The following SLC25A33 variants were observed in gnomAD, a reference collection of about 807,000 sequenced individuals.
The protein encoded by SLC25A33 is solute carrier family 25 member 33.
In SLC25A33, 15 loss-of-function variants were observed where a neutral mutation model predicts 35.5. The observed-to-expected ratio is 0.42, with a 90% CI of 0.28 to 0.65. The LOEUF is 0.65. Among genes scored for constraint, SLC25A33 ranks in the 30% least tolerant of loss-of-function variants. The pLI, the probability that SLC25A33 is intolerant of heterozygous loss-of-function variation, is 0.20. For synonymous variants in SLC25A33, 136 were observed against 148.7 expected (o/e 0.91, Z 0.62); for missense variants, 257 against 398.5 (o/e 0.64, Z 3.02).
intron 5 of SLC25A33, among the ~76,000 whole-genome samples, chr1:9,574,620 G>T (rs996210133): frequency 4.6e-5 from 7 of 152,138 alleles, no homozygotes; most frequent in Non-Finnish European, 1.0e-4. Flanking sequence ...ATTTACATTC[G>T]TAATGAATAC....
rs967892752 is a variant in SLC25A33 at position 9,585,007 on chromosome 1, T to C, written c.*2506T>C. The C allele has an allele frequency of 2.0e-5, 3 of 152,234 alleles. No individual in the cohort carries two copies. Among genetic ancestry groups the C allele is most frequent in the African/African-American group, 7.2e-5 (3 of 41,454 alleles). The allele number at this position is 152,234 out of a possible 1,614,324, so 9.4% of individuals were successfully genotyped here. On this transcript the variant is annotated 3_prime_UTR_variant, in exon 7 of 7. Coordinates refer to ENST00000302692, the MANE Select transcript of SLC25A33 (RefSeq NM_032315.3). ...ACTGGAATTACAGAGTAACATCTAA[T>C]TTTAATATTCACATTCCTATTTTAA...
intron 1 of SLC25A33, among the ~76,000 whole-genome samples, chr1:9,541,244 C>T (rs1221531071): frequency 2.0e-5 from 3 of 151,830 alleles, no homozygotes; most frequent in Non-Finnish European, 2.9e-5. Flanking sequence ...AGCTCCGCCT[C>T]CCGGGTTCAC....
At position 9,539,751 on chromosome 1, in the gene SLC25A33, A is replaced by T; in HGVS notation, c.56+4A>T. 2.1e-6 allele frequency: 3 copies of T among 1,399,634 alleles called. No homozygotes were observed. Among genetic ancestry groups the T allele is most frequent in the Non-Finnish European group, 2.8e-6 (3 of 1,074,388 alleles). 86.7% of individuals were successfully genotyped at this position (1,399,634 alleles called of 1,614,324 possible). On this transcript the variant is annotated splice_donor_region_variant and intron_variant, in intron 1 of 6. Coordinates refer to ENST00000302692, the MANE Select transcript of SLC25A33 (RefSeq NM_032315.3). Reference sequence around the variant, plus strand: ...TGCTTCACCTCTTCGCCGGCGGGTGAGTTCCCGGGCCCAGCCGCGCGCGCC... The same window carrying T: ...TGCTTCACCTCTTCGCCGGCGGGTGTGTTCCCGGGCCCAGCCGCGCGCGCC...
rs534584740 is a variant in SLC25A33, at chr1:9,562,495, A to G, written c.237-4789A>G. 7.6e-4 allele frequency among the ~76,000 whole-genome samples: 115 copies of G among 152,266 alleles called. 1 individual carries two copies. Among genetic ancestry groups the G allele is most frequent in the African/African-American group, 2.6e-3 (109 of 41,558 alleles). On this transcript the variant is annotated intron_variant, in intron 2 of 6. Transcript: ENST00000302692. ...AAAGGGCCTGGGCTTAACACCTGTCAGTAAGGAAAATGATTTGATTAGAAA... is the reference window on the plus strand; with the variant it reads ...AAAGGGCCTGGGCTTAACACCTGTCGGTAAGGAAAATGATTTGATTAGAAA...
Position 9,582,335 on chromosome 1 carries a change from A to T in SLC25A33, c.800A>T (p.Lys267Met). 2 of 1,613,986 alleles carry T rather than the reference A, an allele frequency of 1.2e-6. No individual in the cohort carries two copies. The highest frequency in any genetic ancestry group is 1.7e-6 in the Non-Finnish European group (2 of 1,179,876). The change falls in exon 7 of 7, where the codon AAG becomes ATG. Residue 267 changes from lysine to methionine, a missense_variant. Lys to Met is a moderately conservative substitution (Grantham distance 95). Transcript: ENST00000302692. The surrounding 1 kb of genome is among the most constrained non-coding windows in gnomAD (Gnocchi z 4.0). ...IRTRLREEGT[K>M]YKSFVQTARL... ...ACGAGGCTCCGGGAAGAGGGCACCAAGTACAAGTCTTTTGTCCAGACGGCG... is the reference window on the plus strand; with the variant it reads ...ACGAGGCTCCGGGAAGAGGGCACCATGTACAAGTCTTTTGTCCAGACGGCG...
chr1:9,561,199 T>G (rs1643419472), intron 2 of SLC25A33, among the ~76,000 whole-genome samples: 1 of 152,152 alleles, frequency 6.6e-6, no homozygotes, highest in Non-Finnish European at 1.5e-5. Flanking sequence ...CGCTTCGGCC[T>G]CCCAAAGTGC....
At chr1:9,562,919 C>CTTTT (rs370570053) in intron 2 of SLC25A33, among the ~76,000 whole-genome samples, 5 of 126,746 alleles carry the variant, frequency 3.9e-5, no homozygotes, top group Non-Finnish European at 8.3e-5. Context: ...AAAATAATAG[C>CTTTT]TTTTTTTTTT....
chr1:9,557,917 T>G (rs1643368938), intron 2 of SLC25A33, among the ~76,000 whole-genome samples: 1 of 152,056 alleles, frequency 6.6e-6, no homozygotes, highest in African/African-American at 2.4e-5. Flanking sequence ...AAAAGAAAGA[T>G]TCTCTCACAC....
chr1:9,573,291 TTAA>T, intron 4 of SLC25A33, 52 bp from the exon 5 acceptor site: 1 of 1,283,212 alleles, frequency 7.8e-7, no homozygotes, highest in South Asian at 1.3e-5. Context: ...ATAGACATCT[TTAA>T]TAAGTATGGA....
chr1:9,558,967 CTGACTTT>C (rs917321387), intron 2 of SLC25A33, among the ~76,000 whole-genome samples: 1 of 152,170 alleles, frequency 6.6e-6, no homozygotes, highest in African/African-American at 2.4e-5. Context: ...CCCATTACTT[CTGACTTT>C]TCATCTCCTA....
At chr1:9,557,757 G>T (rs1333882714) in intron 2 of SLC25A33, among the ~76,000 whole-genome samples, 2 of 152,116 alleles carry the variant, frequency 1.3e-5, no homozygotes, top group African/African-American at 4.8e-5. Context: ...AAATGCAGGT[G>T]CTCTATTGCA....
At chr1:9,576,001 C>T (rs1026918944) in intron 5 of SLC25A33, among the ~76,000 whole-genome samples, 1 of 152,194 alleles carries the variant, frequency 6.6e-6, no homozygotes, top group Non-Finnish European at 1.5e-5. Flanking sequence ...GGTAATTCCT[C>T]CTAATTCCAA....
chr1:9,559,205 A>G (rs1643385549), intron 2 of SLC25A33, among the ~76,000 whole-genome samples: 1 of 152,170 alleles, frequency 6.6e-6, no homozygotes, highest in Admixed American at 6.6e-5. Context: ...ACTTACGTCC[A>G]TCAACATACA....
Position 9,584,157 on chromosome 1 carries a change from T to C in SLC25A33, c.*1656T>C, listed in dbSNP as rs903385196. 1 of 152,194 alleles carries C rather than the reference T, an allele frequency of 6.6e-6. No individual in the cohort carries two copies. Among genetic ancestry groups the C allele is most frequent in the Non-Finnish European group, 1.5e-5 (1 of 68,030 alleles). 9.4% of individuals were successfully genotyped at this position (152,194 alleles called of 1,614,324 possible). On this transcript the variant is annotated 3_prime_UTR_variant, in exon 7 of 7. Transcript: ENST00000302692. ...TTGTACATGAAGGTTGGTTTTCAAT[T>C]TGAACGTCTAGAAAGATACTCATTT... is the stretch of plus-strand genomic sequence containing the variant.
intron 5 of SLC25A33, among the ~76,000 whole-genome samples, chr1:9,579,308 A>G (rs888063869): frequency 2.6e-5 from 4 of 151,488 alleles, no homozygotes; most frequent in Non-Finnish European, 5.9e-5. Flanking sequence ...CTCAGTCCCC[A>G]GGACTGCCCA....
At chr1:9,560,570 A>AG (rs200551968) in intron 2 of SLC25A33, among the ~76,000 whole-genome samples, 2,678 of 152,302 alleles carry the variant, frequency 0.018, 35 homozygotes, top group Middle Eastern at 0.027. Flanking sequence ...TCTCAAAAAA[A>AG]AAGTTGTCTG....
At chr1:9,541,866 C>G (rs1316953668) in intron 1 of SLC25A33, among the ~76,000 whole-genome samples, 1 of 151,890 alleles carries the variant, frequency 6.6e-6, no homozygotes, top group African/African-American at 2.4e-5. Flanking sequence ...GTGGCGCCAT[C>G]TCGGCTCACT....
chr1:9,580,865 A>AATAATAATAAT (rs1553148160), intron 6 of SLC25A33, among the ~76,000 whole-genome samples: 1 of 129,422 alleles, frequency 7.7e-6, no homozygotes, highest in Admixed American at 7.5e-5. Context: ...AAAAAAAAAA[A>AATAATAATAAT]AATAATAATA....
chr1:9,546,733 A>G (rs905687739), intron 1 of SLC25A33, among the ~76,000 whole-genome samples: 4 of 152,142 alleles, frequency 2.6e-5, no homozygotes, highest in Admixed American at 6.6e-5. Context: ...AGAAGATTCA[A>G]CTTCAAACCG....
Sources: gnomAD v4.1 joint callset for allele counts (sites outside exome capture counted in the v4.1 genomes callset) on GRCh38, gnomAD v4.1.1 for gene constraint, Gnocchi (gnomAD v3.1) non-coding constraint, MANE v1.5 for transcripts, NCBI Gene and HGNC (gene_info 2026-07-23, HGNC 2026-07-21) for gene names.